The following EMSY variants were observed in gnomAD, a reference collection of about 807,000 sequenced individuals.
EMSY encodes BRCA2-interacting transcriptional repressor EMSY.
EMSY carries 26 observed loss-of-function variants against 134.6 expected under a neutral mutation model. That is an observed-to-expected ratio of 0.19 (90% CI 0.14 to 0.27). The LOEUF (loss-of-function observed/expected upper bound fraction) is 0.27, where lower values mean the gene tolerates loss of function less well. Among genes scored for constraint, EMSY ranks in the 10% least tolerant of loss-of-function variants. EMSY has a pLI of 1.00. For missense variants in EMSY, 1,305 were observed against 1,611.4 expected (o/e 0.81, Z 3.26); for synonymous variants, 579 against 577.8 (o/e 1.00, Z -0.03).
At chr11:76,503,396 A>G (rs184273304) in intron 9 of EMSY, among the ~76,000 whole-genome samples, 64 of 152,034 alleles carry the variant, frequency 4.2e-4, no homozygotes, top group African/African-American at 1.5e-3. Context: ...TCAAAACAGT[A>G]TGGTACCGGC....
chr11:76,505,385 G>A (rs943340620), intron 9 of EMSY, among the ~76,000 whole-genome samples: 5 of 94,712 alleles, frequency 5.3e-5, no homozygotes, highest in African/African-American at 1.9e-4. Context: ...TTTTTTTGTA[G>A]AGATGGGTTT....
chr11:76,456,557 G>A lies in EMSY; in HGVS notation c.246-1626G>A, dbSNP rs192649718. On this transcript the variant is annotated intron_variant, in intron 4 of 20. Transcript: ENST00000334736. ...CCAAGAATATGCTGAATAGCTTTTAGAATTTTTTCCTCTAACAATGAGCTT... is the reference window on the plus strand; with the variant it reads ...CCAAGAATATGCTGAATAGCTTTTAAAATTTTTTCCTCTAACAATGAGCTT... Among the ~76,000 whole-genome samples the A allele has an allele frequency of 1.8e-3, 267 of 152,262 alleles. 2 individuals are homozygous for A. Among genetic ancestry groups the A allele is most frequent in the Middle Eastern group, 6.8e-3 (2 of 294 alleles).
At position 76,522,132 on chromosome 11, in the gene EMSY, G is replaced by C. The variant is rs1041236368; in HGVS notation, c.1685-1023G>C. Among the ~76,000 whole-genome samples, 11 of 152,248 alleles carry C rather than the reference G, an allele frequency of 7.2e-5. No homozygotes were observed. The East Asian group carries it at 1.9e-3, about 27-fold the overall frequency. The stretch of plus-strand genomic sequence containing the variant: ...CAACTGAAGGTTGGAAGGTAGATTT[G>C]ATAGGTAGAAGAGAAGCCAATTATG... On this transcript the variant is annotated intron_variant, in intron 11 of 20. Transcript: ENST00000334736.
chr11:76,545,246 T>C (rs1951600020), intron 19 of EMSY, among the ~76,000 whole-genome samples: 1 of 152,194 alleles, frequency 6.6e-6, no homozygotes, highest in South Asian at 2.1e-4. Flanking sequence ...GTTTATATCA[T>C]AGCCATCTAG....
At chr11:76,456,409 T>C (rs1947874528) in intron 4 of EMSY, among the ~76,000 whole-genome samples, 1 of 152,184 alleles carries the variant, frequency 6.6e-6, no homozygotes, top group Non-Finnish European at 1.5e-5. Flanking sequence ...TCTTCCATAA[T>C]TTCTGCCACC....
chr11:76,516,362 G>GAA, intron 11 of EMSY, 50 bp downstream of exon 12: 37 of 1,220,766 alleles, frequency 3.0e-5, no homozygotes, highest in African/African-American at 1.6e-4. Context: ...TCATTGAGAG[G>GAA]AAAAAAAAAA....
intron 4 of EMSY, 91 bp downstream of exon 5, chr11:76,454,881 T>A: frequency 1.0e-6 from 1 of 970,858 alleles, no homozygotes; most frequent in Middle Eastern, 2.2e-4. Context: ...ATTATTCCAT[T>A]TATGAATTAA....
intron 11 of EMSY, among the ~76,000 whole-genome samples, chr11:76,518,745 G>A (rs78927261): frequency 0.11 from 14,742 of 135,004 alleles, 1,046 homozygotes; most frequent in Middle Eastern, 0.16. Context: ...GATTTTATCC[G>A]TATTTCCTAT....
At chr11:76,513,272 C>A (rs752807669) in intron 9 of EMSY, 114 bp from the exon 11 acceptor site, 40 of 914,130 alleles carry the variant, frequency 4.4e-5, no homozygotes, top group Non-Finnish European at 5.1e-5. Context: ...TTAAAAAAAA[C>A]TTCTCTTTAG....
intron 3 of EMSY, 119 bp from the exon 4 acceptor site, chr11:76,453,195 T>C: frequency 1.3e-6 from 1 of 784,292 alleles, no homozygotes; most frequent in South Asian, 1.8e-5. Flanking sequence ...TGTCTATATC[T>C]TTTCACAAAG....
At chr11:76,503,661 A>C (rs936021272) in intron 9 of EMSY, among the ~76,000 whole-genome samples, 1 of 152,230 alleles carries the variant, frequency 6.6e-6, no homozygotes, top group African/African-American at 2.4e-5. Context: ...AACTCTTAGA[A>C]AAAAACTTAG....
intron 6 of EMSY, among the ~76,000 whole-genome samples, chr11:76,461,936 A>C (rs749872709): frequency 1.4e-5 from 2 of 144,836 alleles, no homozygotes; most frequent in Non-Finnish European, 3.0e-5. Context: ...ATCTTAAAAG[A>C]AAAGAAAAGA....
chr11:76,445,945 G>T (rs1052170598), intron 1 of EMSY, among the ~76,000 whole-genome samples: 3 of 152,166 alleles, frequency 2.0e-5, no homozygotes, highest in Non-Finnish European at 4.4e-5. Flanking sequence ...AGGGGGAGGG[G>T]GGCTCACCTC....
intron 5 of EMSY, chr11:76,458,656 C>T (rs1403595380): frequency 1.5e-5 from 3 of 205,806 alleles, no homozygotes; most frequent in Non-Finnish European, 2.9e-5. Context: ...TAATGGATGA[C>T]ATTAGAAAAT....
chr11:76,446,688 G>T (rs557228634), intron 1 of EMSY, among the ~76,000 whole-genome samples: 1 of 152,304 alleles, frequency 6.6e-6, no homozygotes, highest in African/African-American at 2.4e-5. Flanking sequence ...GAGGTGTCTG[G>T]CTCTAAAGCC....
At chr11:76,535,667 A>G (rs1056245738) in intron 14 of EMSY, among the ~76,000 whole-genome samples, 3 of 152,144 alleles carry the variant, frequency 2.0e-5, no homozygotes, top group Non-Finnish European at 2.9e-5. Context: ...ATTCTGGCAC[A>G]TAAGTGTCCA....
intron 7 of EMSY, among the ~76,000 whole-genome samples, chr11:76,469,732 C>A (rs528548473): frequency 1.3e-5 from 2 of 152,210 alleles, no homozygotes; most frequent in South Asian, 4.1e-4. Flanking sequence ...AAAATTGGAG[C>A]CCAGAGATTC....
intron 11 of EMSY, among the ~76,000 whole-genome samples, chr11:76,520,410 A>G (rs1395499757): frequency 6.6e-6 from 1 of 152,198 alleles, no homozygotes; most frequent in Non-Finnish European, 1.5e-5. Context: ...TAAAGTCAAA[A>G]GCATAGTAAA....
At chr11:76,459,495 T>G (rs767607929) in intron 5 of EMSY, 17 of 155,342 alleles carry the variant, frequency 1.1e-4, no homozygotes, top group Non-Finnish European at 2.3e-4. Flanking sequence ...AAAGAACGTT[T>G]CCTTGATTGT....
Sources: gnomAD v4.1 joint callset for allele counts (sites outside exome capture counted in the v4.1 genomes callset) on GRCh38, gnomAD v4.1.1 for gene constraint, MANE v1.5 for transcripts, NCBI Gene and HGNC (gene_info 2026-07-23, HGNC 2026-07-21) for gene names.